Variants in PACRG observed in about 807,000 individuals in gnomAD.
PACRG encodes parkin coregulated gene protein.
A neutral mutation model predicts 29.7 loss-of-function variants in PACRG; 29 were observed. That is an observed-to-expected ratio of 0.98 (90% CI 0.73 to 1.33). The LOEUF (loss-of-function observed/expected upper bound fraction) is 1.33, where lower values mean the gene tolerates loss of function less well. Ranked by LOEUF, PACRG falls within the 40% of genes most tolerant of loss-of-function variation. The pLI is 0.00. For synonymous variants in PACRG, 116 were observed against 118.7 expected (o/e 0.98, Z 0.15); for missense variants, 279 against 316.2 (o/e 0.88, Z 0.89).
intron 3 of PACRG, among the ~76,000 whole-genome samples, chr6:163,071,543 T>A (rs1812051853): frequency 6.6e-6 from 1 of 151,624 alleles, no homozygotes; most frequent in South Asian, 2.1e-4. Context: ...AGCAAAAACA[T>A]GACTAAGAGG....
At chr6:163,054,793 G>A (rs550126226) in intron 2 of PACRG, among the ~76,000 whole-genome samples, 2 of 152,120 alleles carry the variant, frequency 1.3e-5, no homozygotes, top group African/African-American at 4.8e-5. Flanking sequence ...GAAGAGGAGG[G>A]GCCAGGCTAC....
At chr6:162,874,903 TCACA>T (rs377761511) in intron 2 of PACRG, among the ~76,000 whole-genome samples, 4 of 151,810 alleles carry the variant, frequency 2.6e-5, no homozygotes, top group African/African-American at 9.7e-5. Flanking sequence ...ACATAAACAT[TCACA>T]CAGTTACACA....
At chr6:162,885,098 G>A (rs1469183587) in intron 2 of PACRG, among the ~76,000 whole-genome samples, 1 of 152,026 alleles carries the variant, frequency 6.6e-6, no homozygotes, top group Non-Finnish European at 1.5e-5. Flanking sequence ...ATAATTTTCT[G>A]CATGAAATTT....
At chr6:162,744,279 A>G (rs529639725) in intron 1 of PACRG, among the ~76,000 whole-genome samples, 1 of 152,282 alleles carries the variant, frequency 6.6e-6, no homozygotes, top group African/African-American at 2.4e-5. Flanking sequence ...TTCAGTGGGA[A>G]AGATATCAGA....
At chr6:162,812,366 A>T (rs978014587) in intron 1 of PACRG, among the ~76,000 whole-genome samples, 1 of 152,160 alleles carries the variant, frequency 6.6e-6, no homozygotes, top group African/African-American at 2.4e-5. Flanking sequence ...GTGTTCTACA[A>T]TAACAATACA....
At chr6:162,987,770 G>A (rs1803032883) in intron 2 of PACRG, among the ~76,000 whole-genome samples, 1 of 152,200 alleles carries the variant, frequency 6.6e-6, no homozygotes, top group African/African-American at 2.4e-5. Context: ...GCAGGGGATT[G>A]AAGTAGATAG....
intron 2 of PACRG, among the ~76,000 whole-genome samples, chr6:162,893,745 C>T (rs568786719): frequency 4.8e-4 from 73 of 152,328 alleles, no homozygotes; most frequent in African/African-American, 1.7e-3. Flanking sequence ...AGCCGCCGTG[C>T]TTACCCTCAC....
chr6:163,253,112 C>A (rs183846192), intron 4 of PACRG, among the ~76,000 whole-genome samples: 1 of 151,232 alleles, frequency 6.6e-6, no homozygotes, highest in African/African-American at 2.4e-5. Flanking sequence ...GCCTGGCCAA[C>A]GTGGCGAAAC....
intron 2 of PACRG, among the ~76,000 whole-genome samples, chr6:162,923,970 T>A (rs1797243479): frequency 6.6e-6 from 1 of 152,030 alleles, no homozygotes; most frequent in South Asian, 2.1e-4. Context: ...TTACTTTGAT[T>A]TGTATGATCA....
At chr6:162,794,599 A>G (rs1785217890) in intron 1 of PACRG, among the ~76,000 whole-genome samples, 2 of 152,140 alleles carry the variant, frequency 1.3e-5, no homozygotes, top group South Asian at 4.1e-4. Context: ...TTTTAATCAC[A>G]CAGAATTGAA....
chr6:163,054,576 T>A (rs1810368804), intron 2 of PACRG, among the ~76,000 whole-genome samples: 1 of 152,190 alleles, frequency 6.6e-6, no homozygotes, highest in Non-Finnish European at 1.5e-5. Flanking sequence ...AAGACAGGGT[T>A]TTTTGTCCCA....
At chr6:162,790,900 A>T (rs1384394054) in intron 1 of PACRG, among the ~76,000 whole-genome samples, 2 of 152,228 alleles carry the variant, frequency 1.3e-5, no homozygotes, top group African/African-American at 4.8e-5. Flanking sequence ...AGATAGCTCC[A>T]ATAAAGGGAC....
intron 2 of PACRG, among the ~76,000 whole-genome samples, chr6:163,004,825 A>G (rs1002358302): frequency 3.3e-5 from 5 of 151,328 alleles, no homozygotes; most frequent in African/African-American, 1.2e-4. Context: ...TTGTTCGTTC[A>G]TTCATTCAGA....
chr6:163,111,201 C>T (rs1333064957), intron 4 of PACRG, among the ~76,000 whole-genome samples: 2 of 152,324 alleles, frequency 1.3e-5, no homozygotes, highest in South Asian at 4.1e-4. Flanking sequence ...AGGGTTCCTT[C>T]CCTCCCACAC....
intron 2 of PACRG, among the ~76,000 whole-genome samples, chr6:162,940,906 A>G (rs1394400035): frequency 1.3e-5 from 2 of 152,200 alleles, no homozygotes; most frequent in Non-Finnish European, 2.9e-5. Flanking sequence ...TAATGAATGT[A>G]TCAGAGCTCA....
chr6:163,208,224 G>A (rs887105317), intron 4 of PACRG, among the ~76,000 whole-genome samples: 6 of 152,202 alleles, frequency 3.9e-5, no homozygotes, highest in African/African-American at 1.4e-4. Context: ...CAAATACTCT[G>A]TAAAGAACTG....
At chr6:162,906,854 ATC>A (rs1253386231) in intron 2 of PACRG, among the ~76,000 whole-genome samples, 1 of 152,232 alleles carries the variant, frequency 6.6e-6, no homozygotes, top group Non-Finnish European at 1.5e-5. Flanking sequence ...TACCTTGTAT[ATC>A]AGAGAGATGT....
intron 2 of PACRG, among the ~76,000 whole-genome samples, chr6:162,966,477 ATTT>A (rs67914954): frequency 3.3e-4 from 41 of 125,156 alleles, no homozygotes; most frequent in African/African-American, 6.0e-4. Flanking sequence ...AATGACATGT[ATTT>A]TTTTTTTTTT....
rs768055993 is a variant in PACRG, at chr6:162,989,737, TTTTC to T, written c.292-72409_292-72406del. Among the ~76,000 whole-genome samples, 12 of 148,338 alleles carry T rather than the reference TTTTC, an allele frequency of 8.1e-5. 1 individual carries two copies. The highest frequency in any genetic ancestry group is 6.1e-4 in the East Asian group (3 of 4,882). ...TCAGTACTTCCTTTTTTTTTTTTTCTTTTCTTTTTTTTTATTATACTTTAAGTTT... is the reference window on the plus strand; with the variant it reads ...TCAGTACTTCCTTTTTTTTTTTTTCTTTTTTTTTTATTATACTTTAAGTTT... On this transcript the variant is annotated intron_variant, in intron 2 of 4. Transcript: ENST00000366888.
Sources: gnomAD v4.1 joint callset for allele counts (sites outside exome capture counted in the v4.1 genomes callset) on GRCh38, gnomAD v4.1.1 for gene constraint, MANE v1.5 for transcripts, NCBI Gene and HGNC (gene_info 2026-07-23, HGNC 2026-07-21) for gene names.